UBAC2: variants seen among roughly 807,000 people sequenced by gnomAD.
UBAC2 encodes the protein ubiquitin-associated domain-containing protein 2.
Under a neutral mutation model 44.0 loss-of-function variants are expected in UBAC2, and 26 were observed. The ratio of observed to expected loss-of-function variants is 0.59; its 90% CI spans 0.43 to 0.82. The LOEUF (loss-of-function observed/expected upper bound fraction) is 0.82. UBAC2 is among the 40% of genes least tolerant of loss of function. The pLI is 0.00. For synonymous variants in UBAC2, 155 were observed against 154.3 expected (o/e 1.00, Z -0.04); for missense variants, 329 against 419.4 (o/e 0.78, Z 1.88).
intron 4 of UBAC2, among the ~76,000 whole-genome samples, chr13:99,290,902 C>CT (rs1227347310): frequency 6.6e-6 from 1 of 151,892 alleles, no homozygotes; most frequent in Non-Finnish European, 1.5e-5. Context: ...AATTCAGGGG[C>CT]TTGAGGGGAA....
chr13:99,354,842 A>G (rs777314985), intron 7 of UBAC2, among the ~76,000 whole-genome samples: 7 of 152,110 alleles, frequency 4.6e-5, no homozygotes, highest in Non-Finnish European at 8.8e-5. Flanking sequence ...ATGTCATCCA[A>G]GAAGTTGTTG....
intron 4 of UBAC2, among the ~76,000 whole-genome samples, chr13:99,262,800 A>G (rs1401236846): frequency 1.3e-5 from 2 of 151,782 alleles, no homozygotes; most frequent in East Asian, 1.9e-4. Flanking sequence ...ACATAAACCT[A>G]TATAATAGTG....
intron 4 of UBAC2, among the ~76,000 whole-genome samples, chr13:99,249,877 A>G (rs911881696): frequency 2.6e-5 from 4 of 152,142 alleles, no homozygotes; most frequent in Admixed American, 1.3e-4. Context: ...TCTTTTGAAA[A>G]GTATCTGTTC....
rs1028077110 is a variant in UBAC2 at position 99,291,286 on chromosome 13, A to T, written c.390-22811A>T. Among the ~76,000 whole-genome samples the T allele has an allele frequency of 8.5e-5, 13 of 152,340 alleles. No individual in the cohort carries two copies. The South Asian group carries it at 2.3e-3, about 27-fold the overall frequency. On this transcript the variant is annotated intron_variant, in intron 4 of 8. Transcript: ENST00000403766. ...AAATTTGGGGGCTGTCTTTTAAGCA[A>T]CCTGCTTTTCTGAGTTTAATGAAAA...
chr13:99,276,987 A>C (rs1313649344), intron 4 of UBAC2, among the ~76,000 whole-genome samples: 1 of 152,112 alleles, frequency 6.6e-6, no homozygotes, highest in Non-Finnish European at 1.5e-5. Flanking sequence ...TGGGAAGTCA[A>C]ATGTTAATCA....
At chr13:99,293,338 T>C (rs1261102128) in intron 4 of UBAC2, among the ~76,000 whole-genome samples, 1 of 152,108 alleles carries the variant, frequency 6.6e-6, no homozygotes, top group Non-Finnish European at 1.5e-5. Flanking sequence ...CCTAAGACAG[T>C]GTGTTGGCTC....
intron 4 of UBAC2, among the ~76,000 whole-genome samples, chr13:99,302,775 T>C (rs995495971): frequency 3.9e-5 from 6 of 152,290 alleles, no homozygotes; most frequent in African/African-American, 1.2e-4. Context: ...ATTAGTAAAG[T>C]CAAATTGTCC....
chr13:99,334,056 C>G (rs1411754489), intron 6 of UBAC2, among the ~76,000 whole-genome samples: 1 of 152,132 alleles, frequency 6.6e-6, no homozygotes, highest in African/African-American at 2.4e-5. Flanking sequence ...AAGTGACCCT[C>G]CCACATCAGC....
intron 2 of UBAC2, among the ~76,000 whole-genome samples, chr13:99,243,291 G>A (rs2043342609): frequency 7.5e-6 from 1 of 133,248 alleles, no homozygotes; most frequent in Admixed American, 8.5e-5. Context: ...GCAGCCAGAA[G>A]TTGGGTGAAA....
rs147745816 is a variant in UBAC2, at chr13:99,262,275, A to G, written c.389+17651A>G. Among the ~76,000 whole-genome samples the G allele has an allele frequency of 7.3e-3, 1,118 of 152,200 alleles. 10 individuals are homozygous for G. The highest frequency in any genetic ancestry group is 0.055 in the South Asian group (266 of 4,828). On this transcript the variant is annotated intron_variant, in intron 4 of 8. Coordinates refer to ENST00000403766, the MANE Select transcript of UBAC2 (RefSeq NM_001144072.2). ...TATCATAGGTATGTATGTACAGGAAAAAAATAGTAAGTATAGGGTTTGGTA... is the reference window on the plus strand; with the variant it reads ...TATCATAGGTATGTATGTACAGGAAGAAAATAGTAAGTATAGGGTTTGGTA...
At chr13:99,363,797 G>T (rs747809534) in intron 7 of UBAC2, among the ~76,000 whole-genome samples, 10 of 152,218 alleles carry the variant, frequency 6.6e-5, no homozygotes, top group Non-Finnish European at 1.2e-4. Flanking sequence ...CCAGCAGTCT[G>T]CTAGACTGGA....
intron 1 of UBAC2, among the ~76,000 whole-genome samples, chr13:99,229,282 G>A (rs576111182): frequency 6.6e-6 from 1 of 152,240 alleles, no homozygotes; most frequent in Non-Finnish European, 1.5e-5. Context: ...AGAAACAACT[G>A]TAATTTGAAG....
At chr13:99,359,704 T>C (rs907756100) in intron 7 of UBAC2, among the ~76,000 whole-genome samples, 1 of 152,228 alleles carries the variant, frequency 6.6e-6, no homozygotes, top group East Asian at 1.9e-4. Context: ...TTTCTGTGTG[T>C]GCCATGAGGT....
intron 4 of UBAC2, among the ~76,000 whole-genome samples, chr13:99,286,021 C>T (rs575715321): frequency 6.6e-6 from 1 of 152,284 alleles, no homozygotes; most frequent in African/African-American, 2.4e-5. Flanking sequence ...TTCCCAGCTG[C>T]CTCAGTGTGT....
At chr13:99,275,337 T>G (rs1421249652) in intron 4 of UBAC2, among the ~76,000 whole-genome samples, 2 of 152,160 alleles carry the variant, frequency 1.3e-5, no homozygotes, top group Non-Finnish European at 2.9e-5. Context: ...CTATTACAGC[T>G]TCCCCCAGGT....
chr13:99,254,777 A>C, intron 4 of UBAC2: 1 of 846,092 alleles, frequency 1.2e-6, no homozygotes, highest in Admixed American at 2.7e-5. Flanking sequence ...TATTTTTTCA[A>C]GAGAAAAGGG....
At chr13:99,220,324 T>G (rs1276853624) in intron 1 of UBAC2, among the ~76,000 whole-genome samples, 1 of 152,214 alleles carries the variant, frequency 6.6e-6, no homozygotes, top group Non-Finnish European at 1.5e-5. Context: ...AGAATGCTGA[T>G]AATTAATTCG....
intron 4 of UBAC2, among the ~76,000 whole-genome samples, chr13:99,310,514 A>G (rs574928544): frequency 6.6e-6 from 1 of 152,376 alleles, no homozygotes; most frequent in Admixed American, 6.5e-5. Context: ...TAAGGAAAAG[A>G]AAAAGACTGG....
At position 99,338,047 on chromosome 13, in the gene UBAC2, CTTTTTTTTTTT is replaced by C. The variant is rs869112086; in HGVS notation, c.562-2255_562-2245del. Among the ~76,000 whole-genome samples, 35 of 48,866 alleles carry C rather than the reference CTTTTTTTTTTT, an allele frequency of 7.2e-4. 1 individual carries two copies. The highest frequency in any genetic ancestry group is 1.1e-3 in the Non-Finnish European group (28 of 24,912). The allele number at this position is 48,866 out of a possible 152,430, so 32.1% of individuals were successfully genotyped here. ...ATCTCCTAACTTTTTTTCTTTTTTT[CTTTTTTTTTTT>C]TTTTTTTTTTTTTTTTTGAGACAGA... On this transcript the variant is annotated intron_variant, in intron 6 of 8. Transcript: ENST00000403766.
Sources: gnomAD v4.1 joint callset for allele counts (sites outside exome capture counted in the v4.1 genomes callset) on GRCh38, gnomAD v4.1.1 for gene constraint, MANE v1.5 for transcripts, NCBI Gene and HGNC (gene_info 2026-07-23, HGNC 2026-07-21) for gene names.